NRXN1: variants seen among roughly 807,000 people sequenced by gnomAD.
NRXN1 encodes the protein neurexin 1, also known as neurexin-1.
NRXN1 carries 39 observed loss-of-function variants against 150.9 expected under a neutral mutation model. The ratio of observed to expected loss-of-function variants is 0.26; its 90% confidence interval spans 0.20 to 0.34. The LOEUF (loss-of-function observed/expected upper bound fraction) is 0.34, where lower values mean the gene tolerates loss of function less well. Among genes scored for constraint, NRXN1 ranks in the 10% least tolerant of loss-of-function variants. NRXN1 has a pLI of 1.00. For synonymous variants in NRXN1, 924 were observed against 757.0 expected (o/e 1.22, Z -3.62); for missense variants, 1,815 against 1,949.9 (o/e 0.93, Z 1.30).
intron 5 of NRXN1, among the ~76,000 whole-genome samples, chr2:50,787,507 A>G (rs1705300518): frequency 6.6e-6 from 1 of 151,482 alleles, no homozygotes; most frequent in Admixed American, 6.6e-5. Context: ...GGTTGCAGTG[A>G]GCCGAGATCA....
intron 8 of NRXN1, among the ~76,000 whole-genome samples, chr2:50,618,018 A>C (rs1429691204): frequency 6.6e-6 from 1 of 152,254 alleles, no homozygotes; most frequent in African/African-American, 2.4e-5. Context: ...TGGATGCCCA[A>C]GAGTTCTTTA....
At chr2:50,236,297 T>C (rs2065410459) in intron 18 of NRXN1, among the ~76,000 whole-genome samples, 1 of 152,104 alleles carries the variant, frequency 6.6e-6, no homozygotes, top group African/African-American at 2.4e-5. Context: ...TTTTGCCATC[T>C]TGTTTCACAT....
chr2:50,128,245 G>T (rs1458580161), intron 18 of NRXN1, among the ~76,000 whole-genome samples: 1 of 152,114 alleles, frequency 6.6e-6, no homozygotes, highest in African/African-American at 2.4e-5. Flanking sequence ...CTAGGGCAAA[G>T]CATGGAGGAA....
chr2:50,864,053 G>A (rs1676520680), intron 5 of NRXN1, among the ~76,000 whole-genome samples: 1 of 151,942 alleles, frequency 6.6e-6, no homozygotes, highest in Non-Finnish European at 1.5e-5. Flanking sequence ...CTGAGTCTCC[G>A]CTGTGCAGAG....
At chr2:50,951,963 A>ATATATTT (rs1387961788) in intron 2 of NRXN1, among the ~76,000 whole-genome samples, 508 of 74,826 alleles carry the variant, frequency 6.8e-3, no homozygotes, top group Middle Eastern at 0.013. Context: ...ATATATATAT[A>ATATATTT]TTTTTTTTTT....
At chr2:49,944,948 C>G (rs2104392865) in intron 21 of NRXN1, among the ~76,000 whole-genome samples, 1 of 152,226 alleles carries the variant, frequency 6.6e-6, no homozygotes, top group Non-Finnish European at 1.5e-5. Flanking sequence ...TAAAGTATAA[C>G]TAAATTTTTA....
At chr2:50,540,009 T>A (rs1052871321) in intron 9 of NRXN1, among the ~76,000 whole-genome samples, 2 of 152,062 alleles carry the variant, frequency 1.3e-5, no homozygotes, top group African/African-American at 2.4e-5. Context: ...GTATTCCAAA[T>A]CCCAGCAGAA....
At chr2:50,961,081 T>C (rs1474815082) in intron 2 of NRXN1, among the ~76,000 whole-genome samples, 1 of 151,938 alleles carries the variant, frequency 6.6e-6, no homozygotes, top group Non-Finnish European at 1.5e-5. Context: ...ACAAATATGC[T>C]GATACAGAGA....
Position 49,922,257 on chromosome 2 carries a change from GAA to G in NRXN1, c.4217-8_4217-7del. On this transcript the variant is annotated splice_region_variant and splice_polypyrimidine_tract_variant and intron_variant, in intron 22 of 22. Coordinates refer to ENST00000401669, the MANE Select transcript of NRXN1 (RefSeq NM_001330078.2). ...GCCTGCTCGGGTTGGGTTGGCTATA[GAA>G]AAGAGGATGAGAACAAACACAAAGT... 6.2e-7 allele frequency: 1 copy of G among 1,611,612 alleles called. No homozygotes were observed. Among genetic ancestry groups the G allele is most frequent in the Non-Finnish European group, 8.5e-7 (1 of 1,178,582 alleles).
intron 17 of NRXN1, among the ~76,000 whole-genome samples, chr2:50,322,986 T>G (rs768498198): frequency 6.6e-6 from 1 of 152,222 alleles, no homozygotes; most frequent in East Asian, 1.9e-4. Context: ...TTTAGTTGTA[T>G]GACAGTATAT....
chr2:50,596,671 T>C (rs917603358), intron 8 of NRXN1, among the ~76,000 whole-genome samples: 1 of 152,114 alleles, frequency 6.6e-6, no homozygotes, highest in Non-Finnish European at 1.5e-5. Context: ...GCTTTGTATA[T>C]AGCAGAACAG....
At chr2:50,719,274 G>A (rs1423986879) in intron 5 of NRXN1, among the ~76,000 whole-genome samples, 1 of 151,554 alleles carries the variant, frequency 6.6e-6, no homozygotes, top group African/African-American at 2.4e-5. Flanking sequence ...GTTTGAATGT[G>A]GGGGAAAATA....
chr2:50,538,657 T>C, intron 9 of NRXN1, 21 bp from the exon 10 acceptor site: 1 of 1,445,340 alleles, frequency 6.9e-7, no homozygotes, highest in Non-Finnish European at 9.1e-7. Context: ...GAGAGGAGAA[T>C]GCACAGGTCT....
At chr2:50,083,629 T>G (rs1174942049) in intron 19 of NRXN1, among the ~76,000 whole-genome samples, 2 of 152,172 alleles carry the variant, frequency 1.3e-5, no homozygotes, top group African/African-American at 4.8e-5. Flanking sequence ...TCGGGCAGCC[T>G]GCTTTTATTC....
At chr2:50,160,850 G>A (rs1338762914) in intron 18 of NRXN1, among the ~76,000 whole-genome samples, 1 of 152,150 alleles carries the variant, frequency 6.6e-6, no homozygotes, top group African/African-American at 2.4e-5. Flanking sequence ...AAACACAACA[G>A]TGTGAGATTA....
chr2:50,804,742 C>A (rs948972672), intron 5 of NRXN1, among the ~76,000 whole-genome samples: 2 of 152,124 alleles, frequency 1.3e-5, no homozygotes, highest in Non-Finnish European at 2.9e-5. Context: ...TCACTACTCC[C>A]ACCTCTAAGT....
At chr2:50,461,701 C>T (rs1558771984) in intron 17 of NRXN1, among the ~76,000 whole-genome samples, 1 of 152,064 alleles carries the variant, frequency 6.6e-6, no homozygotes, top group East Asian at 1.9e-4. Context: ...TAAACAGCTA[C>T]ACCATACAAT....
At chr2:50,903,855 A>G (rs946232244) in intron 5 of NRXN1, among the ~76,000 whole-genome samples, 1 of 152,198 alleles carries the variant, frequency 6.6e-6, no homozygotes, top group Non-Finnish European at 1.5e-5. Flanking sequence ...GTGTTCTAAT[A>G]TAATCCACAA....
chr2:50,551,074 A>AGAAGAAGAAGAG (rs1553775804), intron 9 of NRXN1, among the ~76,000 whole-genome samples: 3 of 110,688 alleles, frequency 2.7e-5, no homozygotes, highest in African/African-American at 1.1e-4. Context: ...AAGAAGAAGA[A>AGAAGAAGAAGAG]GAGGAGGAGG....
Sources: allele counts gnomAD v4.1 joint callset (sites outside exome capture counted in the v4.1 genomes callset), GRCh38; gene constraint gnomAD v4.1.1; transcripts MANE v1.5; gene names NCBI Gene and HGNC (gene_info 2026-07-23, HGNC 2026-07-21).